LAMA2: variants seen among roughly 807,000 people sequenced by gnomAD.
The protein encoded by LAMA2 is laminin subunit alpha 2.
In LAMA2, 269 loss-of-function variants were observed where a neutral mutation model predicts 364.8. The ratio of observed to expected loss-of-function variants is 0.74; its 90% CI spans 0.67 to 0.82. The LOEUF is 0.82. Ranked by LOEUF, LAMA2 falls within the 40% of genes least tolerant of loss-of-function variation. The pLI is 0.00. For missense variants in LAMA2, 3,807 were observed against 3,873.2 expected, an observed-to-expected ratio of 0.98 and a Z score of 0.45; for synonymous variants, 1,379 against 1,370.6, an observed-to-expected ratio of 1.01 and a Z score of -0.14.
At chr6:129,355,623 G>A (rs568595314) in intron 32 of LAMA2, among the ~76,000 whole-genome samples, 3 of 152,134 alleles carry the variant, frequency 2.0e-5, no homozygotes, top group Non-Finnish European at 4.4e-5. Flanking sequence ...AAGGGAGGTA[G>A]CTTGGCTCTA....
chr6:129,505,804 T>G (rs1418231045), intron 61 of LAMA2, among the ~76,000 whole-genome samples: 2 of 151,658 alleles, frequency 1.3e-5, no homozygotes, highest in East Asian at 4.0e-4. Flanking sequence ...AGTGCTGGGA[T>G]TACAGGCCTG....
chr6:129,422,934 T>C (rs1311023627), intron 40 of LAMA2, among the ~76,000 whole-genome samples: 2 of 152,088 alleles, frequency 1.3e-5, no homozygotes, highest in Non-Finnish European at 2.9e-5. Context: ...GATGTAAAAG[T>C]TCATGGCAAA....
At chr6:129,363,095 G>A (rs1054763235) in intron 32 of LAMA2, among the ~76,000 whole-genome samples, 4 of 152,126 alleles carry the variant, frequency 2.6e-5, no homozygotes, top group Non-Finnish European at 5.9e-5. Flanking sequence ...GATCACTTGA[G>A]GCCAGGAGTC....
intron 1 of LAMA2, among the ~76,000 whole-genome samples, chr6:128,948,637 G>T (rs1167352509): frequency 2.0e-5 from 3 of 152,150 alleles, no homozygotes; most frequent in African/African-American, 7.2e-5. Flanking sequence ...AGTATTGGAC[G>T]TGGGGACTGG....
intron 32 of LAMA2, among the ~76,000 whole-genome samples, chr6:129,361,656 T>G (rs2114610287): frequency 6.6e-6 from 1 of 152,284 alleles, no homozygotes. Flanking sequence ...AAAGTGCAAA[T>G]TTCAATATGT....
At chr6:129,460,418 T>C in intron 49 of LAMA2, 94 bp downstream of exon 49, 1 of 1,289,302 alleles carries the variant, frequency 7.8e-7, no homozygotes, top group Non-Finnish European at 1.1e-6. Flanking sequence ...GTGGATGATG[T>C]GGAGCAGGTT....
At chr6:129,221,808 T>C (rs911155454) in intron 12 of LAMA2, among the ~76,000 whole-genome samples, 6 of 152,156 alleles carry the variant, frequency 3.9e-5, no homozygotes, top group African/African-American at 1.4e-4. Flanking sequence ...AAAGTACTGT[T>C]TATATTAAGA....
At chr6:129,078,989 C>T (rs977191802) in intron 3 of LAMA2, among the ~76,000 whole-genome samples, 3 of 152,166 alleles carry the variant, frequency 2.0e-5, no homozygotes, top group South Asian at 2.1e-4. Flanking sequence ...ATTTTTAAGG[C>T]TGAATAATAT....
At chr6:129,058,840 G>A (rs1788676071) in intron 2 of LAMA2, among the ~76,000 whole-genome samples, 1 of 152,194 alleles carries the variant, frequency 6.6e-6, no homozygotes. Flanking sequence ...TAACCCAATA[G>A]GAGCATAGAT....
At chr6:129,420,316 A>G (rs1268887768) in intron 40 of LAMA2, among the ~76,000 whole-genome samples, 1 of 152,146 alleles carries the variant, frequency 6.6e-6, no homozygotes, top group African/African-American at 2.4e-5. Flanking sequence ...ATTTTGATTC[A>G]TAGTCTAACA....
intron 12 of LAMA2, among the ~76,000 whole-genome samples, chr6:129,193,263 G>A (rs2115037896): frequency 6.6e-6 from 1 of 152,292 alleles, no homozygotes; most frequent in South Asian, 2.1e-4. Context: ...CTGATACTCA[G>A]GAGATTTACT....
chr6:129,223,723 C>A (rs926740731), intron 12 of LAMA2, among the ~76,000 whole-genome samples: 1 of 152,180 alleles, frequency 6.6e-6, no homozygotes, highest in Non-Finnish European at 1.5e-5. Context: ...GGTACCAGTA[C>A]CATGCTGTTT....
At chr6:129,353,712 A>G (rs1466726179) in intron 32 of LAMA2, among the ~76,000 whole-genome samples, 2 of 152,172 alleles carry the variant, frequency 1.3e-5, no homozygotes, top group Admixed American at 6.5e-5. Context: ...GAGTGTATTA[A>G]AAAATTTAGA....
intron 30 of LAMA2, among the ~76,000 whole-genome samples, chr6:129,344,068 T>C (rs189278200): frequency 6.6e-6 from 1 of 152,264 alleles, no homozygotes. Context: ...TAAGAAATAG[T>C]TATTTAATTT....
intron 1 of LAMA2, among the ~76,000 whole-genome samples, chr6:128,946,201 A>G (rs912411585): frequency 6.6e-6 from 1 of 152,250 alleles, no homozygotes; most frequent in African/African-American, 2.4e-5. Context: ...TACAGTAATA[A>G]AAACCAAATA....
intron 12 of LAMA2, among the ~76,000 whole-genome samples, chr6:129,247,608 CA>C (rs1469408533): frequency 6.6e-6 from 1 of 152,078 alleles, no homozygotes; most frequent in Non-Finnish European, 1.5e-5. Context: ...CATCTAGTAA[CA>C]GTATCCTGAA....
chr6:129,473,435 C>A (rs897874435), intron 52 of LAMA2, 83 bp downstream of exon 52: 5 of 1,326,322 alleles, frequency 3.8e-6, no homozygotes, highest in African/African-American at 2.9e-5. Flanking sequence ...AGTTTAATTA[C>A]AATAAGAATG....
intron 22 of LAMA2, 88 bp downstream of exon 22, chr6:129,300,960 AT>A: frequency 9.3e-7 from 1 of 1,079,308 alleles, no homozygotes. Flanking sequence ...AAAATTCAAT[AT>A]TACATCACAA....
chr6:129,297,623 A>G, intron 20 of LAMA2, 62 bp from the exon 21 acceptor site: 2 of 1,480,360 alleles, frequency 1.4e-6, no homozygotes, highest in Non-Finnish European at 9.4e-7. Flanking sequence ...GGTATTGTGC[A>G]TCTTGCTTCA....
Sources: gnomAD v4.1 joint callset for allele counts (sites outside exome capture counted in the v4.1 genomes callset) on GRCh38, gnomAD v4.1.1 for gene constraint, MANE v1.5 for transcripts, NCBI Gene and HGNC (gene_info 2026-07-23, HGNC 2026-07-21) for gene names.